Variants in NEURL1B observed in about 807,000 individuals in gnomAD.
NEURL1B encodes neuralized E3 ubiquitin protein ligase 1B.
In NEURL1B, 13 loss-of-function variants were observed where a neutral mutation model predicts 37.4. That is an observed-to-expected ratio of 0.35 (90% CI 0.23 to 0.55). The LOEUF is 0.55. NEURL1B is among the 20% of genes least tolerant of loss of function. NEURL1B has a pLI of 0.89. For synonymous variants in NEURL1B, 432 were observed against 426.6 expected, an observed-to-expected ratio of 1.01 and a Z score of -0.16; for missense variants, 790 against 879.2, an observed-to-expected ratio of 0.90 and a Z score of 1.28.
At chr5:172,645,398 T>G (rs73803470) in intron 1 of NEURL1B, among the ~76,000 whole-genome samples, 2,383 of 152,286 alleles carry the variant, frequency 0.016, 62 homozygotes, top group African/African-American at 0.054. Flanking sequence ...GCCATGTGGA[T>G]GCTGAGCCTA....
intron 1 of NEURL1B, among the ~76,000 whole-genome samples, chr5:172,664,531 A>G (rs532308324): frequency 3.3e-5 from 5 of 152,298 alleles, no homozygotes; most frequent in Middle Eastern, 6.8e-3. Flanking sequence ...TGAACTTTCT[A>G]TGATGTGGCT....
intron 2 of NEURL1B, among the ~76,000 whole-genome samples, chr5:172,678,095 G>A (rs1235489492): frequency 1.3e-5 from 2 of 151,922 alleles, no homozygotes; most frequent in Non-Finnish European, 2.9e-5. Flanking sequence ...GCCTTCCCGA[G>A]CTCCCGCCGT....
rs542564867 is a variant in NEURL1B, at chr5:172,684,198, C to A, written c.1297+60C>A. On this transcript the variant is annotated intron_variant, in intron 3 of 4. Transcript: ENST00000369800. ...CCCTCCCCCGTCCCGTGCCGTCTCA[C>A]CCCGCTGCGCTCTTCCCCGGCCCCG... The A allele has an allele frequency of 3.5e-6, 4 of 1,144,014 alleles. No individual in the cohort carries two copies. The African/African-American group carries it at 4.9e-5, about 14-fold the overall frequency. 70.9% of individuals were successfully genotyped at this position (1,144,014 alleles called of 1,614,324 possible). A position where few individuals can be genotyped will look rare whatever the true frequency, so the allele number is the denominator to read the frequency against.
chr5:172,677,680 C>G (rs1051307724), intron 2 of NEURL1B, among the ~76,000 whole-genome samples: 1 of 152,172 alleles, frequency 6.6e-6, no homozygotes, highest in African/African-American at 2.4e-5. Flanking sequence ...GCCTTCCCCC[C>G]GTGGCCGTGG....
intron 2 of NEURL1B, among the ~76,000 whole-genome samples, chr5:172,674,376 A>T (rs543564795): frequency 6.6e-6 from 1 of 152,144 alleles, no homozygotes; most frequent in East Asian, 1.9e-4. Flanking sequence ...TGCAGCAGTG[A>T]GTGCTGCATC....
Position 172,676,646 on chromosome 5 carries a change from C to T in NEURL1B, c.577+6316C>T, listed in dbSNP as rs1313692239. On this transcript the variant is annotated intron_variant, in intron 2 of 4. Transcript: ENST00000369800. This position sits in a 1 kb window ranked among gnomAD's most constrained non-coding sequence, Gnocchi z 4.5. The stretch of plus-strand genomic sequence containing the variant: ...GTGGATGCCAGGCAGCCAGAAACAA[C>T]AGTCCTGCATGGGCCTTGGAAAGGT... 6.6e-6 allele frequency among the ~76,000 whole-genome samples: 1 copy of T among 152,206 alleles called. No individual in the cohort carries two copies. Among genetic ancestry groups the T allele is most frequent in the Non-Finnish European group, 1.5e-5 (1 of 68,038 alleles).
At chr5:172,682,586 AAAT>A (rs771059547) in intron 2 of NEURL1B, among the ~76,000 whole-genome samples, 2 of 152,238 alleles carry the variant, frequency 1.3e-5, no homozygotes, top group African/African-American at 2.4e-5. Flanking sequence ...CAAAAAAAAA[AAAT>A]TTCTTTTCCC....
At position 172,660,176 on chromosome 5, in the gene NEURL1B, G is replaced by A. The variant is rs557407613; in HGVS notation, c.32-9609G>A. 1.5e-4 allele frequency among the ~76,000 whole-genome samples: 23 copies of A among 152,340 alleles called. 1 individual carries two copies. Among genetic ancestry groups the A allele is most frequent in the Middle Eastern group, 3.4e-3 (1 of 294 alleles). Reference sequence around the variant, plus strand: ...CAGTGGGGCCCTAGCCCTGGGAGCCGGCGCCTCTGAAGTTGGAGTTTCCTG... The same window carrying A: ...CAGTGGGGCCCTAGCCCTGGGAGCCAGCGCCTCTGAAGTTGGAGTTTCCTG... On this transcript the variant is annotated intron_variant, in intron 1 of 4. Transcript: ENST00000369800.
At chr5:172,662,581 G>A (rs1017126054) in intron 1 of NEURL1B, among the ~76,000 whole-genome samples, 9 of 152,174 alleles carry the variant, frequency 5.9e-5, no homozygotes, top group African/African-American at 1.2e-4. Flanking sequence ...CTAAGGTCAC[G>A]TGCCATTTAG....
At chr5:172,663,566 G>C (rs1014161515) in intron 1 of NEURL1B, among the ~76,000 whole-genome samples, 2 of 148,852 alleles carry the variant, frequency 1.3e-5, no homozygotes, top group Non-Finnish European at 3.0e-5. Flanking sequence ...GGCCAGGGCT[G>C]TCCCTTCTCC....
intron 1 of NEURL1B, among the ~76,000 whole-genome samples, chr5:172,669,552 A>G (rs924717613): frequency 6.8e-6 from 1 of 146,878 alleles, no homozygotes; most frequent in African/African-American, 2.6e-5. Flanking sequence ...CACCACACAC[A>G]CTAAACCTTG....
At chr5:172,659,898 C>T (rs1398149818) in intron 1 of NEURL1B, among the ~76,000 whole-genome samples, 1 of 152,226 alleles carries the variant, frequency 6.6e-6, no homozygotes, top group African/African-American at 2.4e-5. Flanking sequence ...TGCAAAGCAG[C>T]TCCCCTGAGA....
At chr5:172,682,168 A>G (rs1758366096) in intron 2 of NEURL1B, among the ~76,000 whole-genome samples, 1 of 152,268 alleles carries the variant, frequency 6.6e-6, no homozygotes, top group African/African-American at 2.4e-5. Flanking sequence ...GAATACCTGT[A>G]TTACCCAAAT....
chr5:172,662,196 C>A (rs1283097329), intron 1 of NEURL1B: 1 of 153,934 alleles, frequency 6.5e-6, no homozygotes, highest in African/African-American at 2.4e-5. Context: ...CTCACAACAA[C>A]CTTGCAGGGT....
At chr5:172,674,688 C>A (rs546490024) in intron 2 of NEURL1B, among the ~76,000 whole-genome samples, 1 of 152,178 alleles carries the variant, frequency 6.6e-6, no homozygotes, top group East Asian at 1.9e-4. Flanking sequence ...GTGTACATTG[C>A]CCCTTCCTTC....
rs771316341 is a variant in NEURL1B at position 172,647,559 on chromosome 5, G to A, written c.31+6122G>A. Among the ~76,000 whole-genome samples, 3 of 152,052 alleles carry A rather than the reference G, an allele frequency of 2.0e-5. No individual in the cohort carries two copies. The highest frequency in any genetic ancestry group is 2.4e-5 in the African/African-American group (1 of 41,382). ...GGCACTGCACCCTGGGGCCTCTTGC[G>A]GCTCCTCTTGCTGACTTGCTGCTGC... On this transcript the variant is annotated intron_variant, in intron 1 of 4. Transcript: ENST00000369800. The surrounding 1 kb of genome is among the most constrained non-coding windows in gnomAD (Gnocchi z 4.2).
rs1757892165 is a variant in NEURL1B at position 172,661,058 on chromosome 5, T to C, written c.32-8727T>C. The stretch of plus-strand genomic sequence containing the variant: ...GCCTTGCTAAATACCAGCCTTGCCT[T>C]TTCCTCTCTCTAGAGCACAGCCTGC... On this transcript the variant is annotated intron_variant, in intron 1 of 4. Transcript: ENST00000369800. The surrounding 1 kb of genome is among the most constrained non-coding windows in gnomAD (Gnocchi z 4.0). 6.6e-6 allele frequency among the ~76,000 whole-genome samples: 1 copy of C among 152,190 alleles called. No homozygotes were observed. Among genetic ancestry groups the C allele is most frequent in the Non-Finnish European group, 1.5e-5 (1 of 68,026 alleles).
intron 1 of NEURL1B, among the ~76,000 whole-genome samples, chr5:172,652,180 CGGG>C (rs753571097): frequency 6.6e-6 from 1 of 152,210 alleles, no homozygotes; most frequent in Non-Finnish European, 1.5e-5. Context: ...GGATGGCCCT[CGGG>C]GGCTGACCCG....
intron 1 of NEURL1B, among the ~76,000 whole-genome samples, chr5:172,667,275 T>TAAAAAAAAAAAAAAAAAAAAAAAA (rs55663413): frequency 9.7e-5 from 7 of 72,282 alleles, no homozygotes; most frequent in African/African-American, 3.2e-4. Flanking sequence ...CTGTCTCTAC[T>TAAAAAAAAAAAAAAAAAAAAAAAA]AAAAAAAAAA....
Sources: gnomAD v4.1 joint callset for allele counts (sites outside exome capture counted in the v4.1 genomes callset) on GRCh38, gnomAD v4.1.1 for gene constraint, Gnocchi (gnomAD v3.1) non-coding constraint, MANE v1.5 for transcripts, NCBI Gene and HGNC (gene_info 2026-07-23, HGNC 2026-07-21) for gene names.